Variants in KANK1 observed in about 807,000 individuals in gnomAD.
KANK1 encodes the protein KN motif and ankyrin repeat domain-containing protein 1.
A neutral mutation model predicts 106.2 loss-of-function variants in KANK1; 109 were observed. That is an observed-to-expected ratio of 1.03 (90% confidence interval 0.88 to 1.20). The LOEUF is 1.20. KANK1 is among the 50% of genes most tolerant of loss of function. KANK1 has a pLI of 0.00. For synonymous variants in KANK1, 873 were observed against 652.2 expected (o/e 1.34, Z -5.16); for missense variants, 2,399 against 1,710.7 (o/e 1.40, Z -7.10).
At chr9:670,779 G>C (rs933483560) in intron 1 of KANK1, among the ~76,000 whole-genome samples, 1 of 152,010 alleles carries the variant, frequency 6.6e-6, no homozygotes, top group African/African-American at 2.4e-5. Context: ...GCATGGATAG[G>C]TCTCCTGCCA....
In KANK1 at chr9:740,920, G is replaced by A. The variant is rs761274891; in HGVS notation, c.3682G>A (p.Ala1228Thr). 1.2e-6 allele frequency: 2 copies of A among 1,614,216 alleles called. No individual in the cohort carries two copies. Among genetic ancestry groups the A allele is most frequent in the South Asian group, 2.2e-5 (2 of 91,080 alleles). Residue 1228 changes from alanine (A) to threonine (T), a missense_variant, in exon 9 of 12, where the codon GCC becomes ACC. Coordinates refer to ENST00000382297, the MANE Select transcript of KANK1 (RefSeq NM_015158.5). ...EELFGCGDVN[A>T]KASQAGQTAL... ...ACTCTTCGGCTGTGGGGATGTGAAT[G>A]CCAAAGCTAGTCAGGTTAGTGCGCC...
chr9:579,729 A>G (rs1238344977), intron 1 of KANK1, among the ~76,000 whole-genome samples: 4 of 152,148 alleles, frequency 2.6e-5, no homozygotes, highest in East Asian at 1.9e-4. Context: ...AGAGAGGAGT[A>G]GCTTGCATAG....
chr9:487,217 A>G (rs944677763), intron 3 of KANK1, among the ~76,000 whole-genome samples: 1 of 152,238 alleles, frequency 6.6e-6, no homozygotes, highest in African/African-American at 2.4e-5. Context: ...TGGTTTTTCA[A>G]ATTTATGATG....
intron 3 of KANK1, among the ~76,000 whole-genome samples, chr9:499,160 A>C: frequency 6.6e-6 from 1 of 151,824 alleles, no homozygotes; most frequent in East Asian, 1.9e-4. Flanking sequence ...CCTGGGCAAC[A>C]GAGCAAGACT....
At chr9:507,925 C>T (rs2058840524) in intron 1 of KANK1, among the ~76,000 whole-genome samples, 1 of 151,094 alleles carries the variant, frequency 6.6e-6, no homozygotes, top group African/African-American at 2.4e-5. Flanking sequence ...ACCTTGTGAT[C>T]CGCCCACCTC....
At position 712,342 on chromosome 9, in the gene KANK1, A is replaced by T. The variant is rs773803984; in HGVS notation, c.1576A>T (p.Met526Leu). ...VEAVVQTRDQ[M>L]VGSHMDLVDT... Reference sequence around the variant, plus strand: ...GGCAGTGGTGCAGACCAGAGACCAAATGGTCGGCAGTCACATGGACCTGGT... The same window carrying T: ...GGCAGTGGTGCAGACCAGAGACCAATTGGTCGGCAGTCACATGGACCTGGT... The change falls in exon 3 of 12, where the codon ATG becomes TTG. Residue 526 changes from methionine to leucine, a missense_variant. Transcript: ENST00000382297. The T allele has an allele frequency of 3.7e-6, 6 of 1,614,032 alleles. No individual in the cohort carries two copies. Among genetic ancestry groups the T allele is most frequent in the Non-Finnish European group, 5.1e-6 (6 of 1,180,040 alleles).
At chr9:583,425 A>T (rs1255550076) in intron 1 of KANK1, among the ~76,000 whole-genome samples, 1 of 152,134 alleles carries the variant, frequency 6.6e-6, no homozygotes, top group Admixed American at 6.5e-5. Context: ...CTTTACCTGC[A>T]TGTTCTTTAA....
Position 742,565 on chromosome 9 carries a change from C to T in KANK1, c.3897+160C>T, listed in dbSNP as rs572146650. Among the ~76,000 whole-genome samples the T allele has an allele frequency of 2.0e-5, 3 of 152,322 alleles. No individual in the cohort carries two copies. The East Asian group carries it at 5.8e-4, about 29-fold the overall frequency. On this transcript the variant is annotated intron_variant, in intron 10 of 11. Transcript: ENST00000382297. The stretch of plus-strand genomic sequence containing the variant: ...CTCCCTTCACAGCCAAGCTTGGCTA[C>T]ACTTACTGTGTGTGTGCAAACTAAC...
chr9:558,721 A>G (rs770622867), intron 1 of KANK1: 5 of 152,142 alleles, frequency 3.3e-5, no homozygotes, highest in African/African-American at 4.8e-5. Flanking sequence ...ACTAGCCACA[A>G]AAGGGACATT....
intron 2 of KANK1, chr9:707,218 G>C (rs934049075): frequency 6.5e-5 from 64 of 986,170 alleles, no homozygotes; most frequent in Admixed American, 2.5e-4. Context: ...GGCAGCGCGG[G>C]CTGGCGGGGA....
At position 531,227 on chromosome 9, in the gene KANK1, C is replaced by T. The variant is rs532265566; in HGVS notation, c.-84+26473C>T. Among the ~76,000 whole-genome samples, 143 of 152,060 alleles carry T rather than the reference C, an allele frequency of 9.4e-4. 4 individuals are homozygous for T. The South Asian group carries it at 0.029, about 31-fold the overall frequency. ...GCCCATGCAGGAGGATCACTTGAGG[C>T]CAGGAGTTTGAGACCAGCCTGGGCA... On this transcript the variant is annotated intron_variant, in intron 1 of 11. Transcript: ENST00000382297.
In KANK1 at chr9:519,808, G is replaced by C. The variant is rs79137374; in HGVS notation, c.-84+15054G>C. Among the ~76,000 whole-genome samples, 44 of 151,822 alleles carry C rather than the reference G, an allele frequency of 2.9e-4. No homozygotes were observed. The East Asian group carries it at 8.1e-3, about 28-fold the overall frequency. ...TTGTTCTCAATAAGGTCTTCTAAAG[G>C]TCAGACAAACAAGTCATTTAGATTT... On this transcript the variant is annotated intron_variant, in intron 1 of 11. Coordinates refer to ENST00000382297, the MANE Select transcript of KANK1 (RefSeq NM_015158.5).
intron 1 of KANK1, among the ~76,000 whole-genome samples, chr9:594,689 A>G (rs892081329): frequency 6.6e-5 from 10 of 152,000 alleles, no homozygotes; most frequent in African/African-American, 1.9e-4. Flanking sequence ...ATCCACAATT[A>G]TAGATGTGTC....
intron 2 of KANK1, among the ~76,000 whole-genome samples, chr9:679,351 TATAC>T (rs757240774): frequency 2.0e-5 from 3 of 152,114 alleles, no homozygotes; most frequent in Admixed American, 1.3e-4. Flanking sequence ...CATAGTAATA[TATAC>T]ATACATATAT....
chr9:686,581 A>G (rs935354108), intron 2 of KANK1, among the ~76,000 whole-genome samples: 4 of 147,816 alleles, frequency 2.7e-5, no homozygotes, highest in East Asian at 3.9e-4. Flanking sequence ...AGCTTACAGG[A>G]AAAAAAAATT....
chr9:515,397 G>C (rs114702669), intron 1 of KANK1, among the ~76,000 whole-genome samples: 1 of 149,950 alleles, frequency 6.7e-6, no homozygotes, highest in Non-Finnish European at 1.5e-5. Context: ...TAGAGACATT[G>C]TATCAGTTCT....
intron 1 of KANK1, among the ~76,000 whole-genome samples, chr9:542,935 T>G (rs1413676186): frequency 2.0e-5 from 3 of 152,126 alleles, no homozygotes; most frequent in Admixed American, 1.3e-4. Context: ...GTAAAAAGTT[T>G]CAGTTAAGTT....
At chr9:580,362 C>T (rs532373927) in intron 1 of KANK1, among the ~76,000 whole-genome samples, 1 of 152,288 alleles carries the variant, frequency 6.6e-6, no homozygotes, top group South Asian at 2.1e-4. Context: ...AGTGAAAGAA[C>T]AAAGCTTCCA....
chr9:744,185 T>C (rs998895930), intron 10 of KANK1, among the ~76,000 whole-genome samples: 1 of 54,624 alleles, frequency 1.8e-5, no homozygotes, highest in Non-Finnish European at 3.9e-5. Context: ...TGGTCATTCA[T>C]AATTAATTAG....
Sources: gnomAD v4.1 joint callset for allele counts (sites outside exome capture counted in the v4.1 genomes callset) on GRCh38, gnomAD v4.1.1 for gene constraint, MANE v1.5 for transcripts, NCBI Gene and HGNC (gene_info 2026-07-23, HGNC 2026-07-21) for gene names.